AGO1: variants seen among roughly 807,000 people sequenced by gnomAD.
The protein encoded by AGO1 is protein argonaute-1.
A neutral mutation model predicts 109.2 loss-of-function variants in AGO1; 11 were observed. The observed-to-expected ratio is 0.10, with a 90% CI of 0.06 to 0.17. AGO1 has a LOEUF of 0.17. Among genes scored for constraint, AGO1 ranks in the 10% least tolerant of loss-of-function variants. The pLI, the probability that AGO1 is intolerant of heterozygous loss-of-function variation, is 1.00. For synonymous variants in AGO1, 422 were observed against 418.6 expected, an observed-to-expected ratio of 1.01 and a Z score of -0.10; for missense variants, 574 against 1,140.3, an observed-to-expected ratio of 0.50 and a Z score of 7.15.
intron 17 of AGO1, 68 bp from the exon 18 acceptor site, chr1:35,918,987 T>A: frequency 7.2e-7 from 1 of 1,384,612 alleles, no homozygotes; most frequent in Non-Finnish European, 1.0e-6. Flanking sequence ...TTAACAGTGA[T>A]CCTGTTCCCC....
upstream of AGO1, among the ~76,000 whole-genome samples, chr1:35,879,007 G>A (rs1309183152): frequency 6.6e-6 from 1 of 151,920 alleles, no homozygotes; most frequent in Non-Finnish European, 1.5e-5. Flanking sequence ...AGATATCTAA[G>A]TAGAAGACTC....
chr1:35,922,174 G>C lies in AGO1; in HGVS notation c.*2567G>C, dbSNP rs528802065. The C allele has an allele frequency of 2.6e-5, 4 of 152,762 alleles. No individual in the cohort carries two copies. The highest frequency in any genetic ancestry group is 7.2e-5 in the African/African-American group (3 of 41,546). 9.5% of individuals were successfully genotyped at this position (152,762 alleles called of 1,614,324 possible). On this transcript the variant is annotated 3_prime_UTR_variant, in exon 19 of 19. Coordinates refer to ENST00000373204, the MANE Select transcript of AGO1 (RefSeq NM_012199.5). ...TCTCTTTGCCTCACTCTCTCCAGTTGGTTTTCAGCTGGGGCTTGAAATGCA... is the reference window on the plus strand; with the variant it reads ...TCTCTTTGCCTCACTCTCTCCAGTTCGTTTTCAGCTGGGGCTTGAAATGCA...
chr1:35,902,647 G>A (rs971916693), intron 11 of AGO1, among the ~76,000 whole-genome samples: 6 of 152,090 alleles, frequency 3.9e-5, no homozygotes, highest in African/African-American at 9.7e-5. Flanking sequence ...TAATGTTTAC[G>A]CCAAAATTAT....
At chr1:35,918,463 T>C (rs1645773945) in intron 17 of AGO1, 40 bp downstream of exon 17, 2 of 1,478,222 alleles carry the variant, frequency 1.4e-6, no homozygotes, top group African/African-American at 2.8e-5. Flanking sequence ...GGGTCAAAGA[T>C]GAGTTGTTCA....
intron 1 of AGO1, among the ~76,000 whole-genome samples, chr1:35,873,928 G>A (rs1644973278): frequency 6.6e-6 from 1 of 152,076 alleles, no homozygotes; most frequent in Non-Finnish European, 1.5e-5. Context: ...ACAAATTGAA[G>A]GTTTTTACCA....
At chr1:35,877,329 T>G (rs898061642) in intron 1 of AGO1, among the ~76,000 whole-genome samples, 6 of 152,248 alleles carry the variant, frequency 3.9e-5, no homozygotes, top group Non-Finnish European at 8.8e-5. Context: ...TGATAGTTCC[T>G]GGTGTAATGT....
At chr1:35,892,736 G>GTAA in intron 3 of AGO1, 59 bp downstream of exon 3, 1 of 1,607,572 alleles carries the variant, frequency 6.2e-7, no homozygotes, top group Non-Finnish European at 8.5e-7. Flanking sequence ...CCAAGCTCAT[G>GTAA]TAAGCCTCTT....
chr1:35,915,909 G>A (rs1044847174), intron 15 of AGO1, among the ~76,000 whole-genome samples: 1 of 152,208 alleles, frequency 6.6e-6, no homozygotes, highest in Non-Finnish European at 1.5e-5. Context: ...TGAGGGCCAA[G>A]AATTTACAAT....
upstream of AGO1, chr1:35,882,762 G>A (rs1645050299): frequency 1.0e-6 from 1 of 977,338 alleles, no homozygotes; most frequent in African/African-American, 1.8e-5. The surrounding 1 kb of genome is among the most constrained non-coding windows in gnomAD (Gnocchi z 5.1). Flanking sequence ...TAGGGACGGA[G>A]AAAGACTTCG....
chr1:35,913,946 C>T lies in AGO1; in HGVS notation c.1687C>T (p.Leu563Phe). ...ACCTCAGACTCTGTCCAACCTCTGC[C>T]TCAAGATCAATGTCAAACTTGGTGG... ...TSPQTLSNLC[L>F]KINVKLGGIN... Residue 563 changes from leucine to phenylalanine, a missense_variant, in exon 13 of 19, where the codon CTC (leucine) becomes TTC (phenylalanine). Coordinates refer to ENST00000373204, the MANE Select transcript of AGO1 (RefSeq NM_012199.5). 6.2e-7 allele frequency: 1 copy of T among 1,614,140 alleles called. No individual in the cohort carries two copies.
At position 35,927,993 on chromosome 1, in the gene AGO1, C is replaced by CA. The variant is rs1645962253; in HGVS notation, c.*8387dup. The stretch of plus-strand genomic sequence containing the variant: ...TTGGCCCATGTGAGAGGATTGTACT[C>CA]AGTTGCTCTCCTCATCCAGTGATGT... On this transcript the variant is annotated 3_prime_UTR_variant, in exon 19 of 19. Transcript: ENST00000373204. 1 of 152,210 alleles carries CA rather than the reference C, an allele frequency of 6.6e-6. No individual in the cohort carries two copies. The highest frequency in any genetic ancestry group is 2.1e-4 in the South Asian group (1 of 4,832). 9.4% of individuals were successfully genotyped at this position (152,210 alleles called of 1,614,324 possible).
rs372821782 is a variant in AGO1, at chr1:35,922,597, G to GGCCT, written c.*3020_*3023dup. ...TATTCACTCTGCTTGCTTGCTGGCC[G>GGCCT]GCCTGCCTGCCTGCCTGCCTGCCTG... On this transcript the variant is annotated 3_prime_UTR_variant, in exon 19 of 19. Coordinates refer to ENST00000373204, the MANE Select transcript of AGO1 (RefSeq NM_012199.5). 0.017 allele frequency: 2,611 copies of GGCCT among 153,074 alleles called. 29 individuals carry two copies. The highest frequency in any genetic ancestry group is 0.033 in the Middle Eastern group (10 of 300). The allele number at this position is 153,074 out of a possible 1,614,324, so 9.5% of individuals were successfully genotyped here.
In AGO1 at chr1:35,893,728, G is replaced by A. The variant is rs754921891; in HGVS notation, c.567G>A (p.Pro189=). 6.2e-6 allele frequency: 10 copies of A among 1,613,792 alleles called. No individual in the cohort carries two copies. The highest frequency in any genetic ancestry group is 2.2e-5 in the South Asian group (2 of 91,072). ...CACCGCCTGAGGGCTACTACCACCC[G>A]CTGGGGGGTGGGCGCGAGGTCTGGT... ...FFSPPEGYYH[P]LGGGREVWFG... The change falls in exon 5 of 19, where the codon CCG becomes CCA. Residue 189 remains proline (P), a synonymous_variant. Transcript: ENST00000373204. The surrounding 1 kb of genome is among the most constrained non-coding windows in gnomAD (Gnocchi z 5.6).
At chr1:35,900,188 T>C (rs1645389325) in intron 8 of AGO1, among the ~76,000 whole-genome samples, 1 of 152,222 alleles carries the variant, frequency 6.6e-6, no homozygotes, top group African/African-American at 2.4e-5. Context: ...CTCAGGAGTT[T>C]AGAACCAACC....
chr1:35,895,305 T>C (rs1235388630), intron 8 of AGO1, 36 bp downstream of exon 8: 6 of 1,579,524 alleles, frequency 3.8e-6, no homozygotes, highest in South Asian at 3.5e-5. Flanking sequence ...GAATAGGCAT[T>C]GTATATACCT....
chr1:35,877,828 A>G (rs553298530), intron 1 of AGO1, among the ~76,000 whole-genome samples: 2 of 150,910 alleles, frequency 1.3e-5, no homozygotes, highest in South Asian at 4.2e-4. Flanking sequence ...CCAGTAGCTG[A>G]GTAGCAGGCG....
chr1:35,917,827 C>T, intron 16 of AGO1, 100 bp downstream of exon 16: 1 of 1,499,122 alleles, frequency 6.7e-7, no homozygotes, highest in Non-Finnish European at 9.0e-7. Flanking sequence ...AGTCCTTGTC[C>T]TATCTATCCT....
intron 11 of AGO1, among the ~76,000 whole-genome samples, chr1:35,902,971 A>C (rs1026116256): frequency 6.6e-6 from 1 of 151,652 alleles, no homozygotes; most frequent in African/African-American, 2.4e-5. Flanking sequence ...GTAATGGCTT[A>C]AGAAGTCAAC....
chr1:35,899,125 A>G (rs1239207604), intron 8 of AGO1, among the ~76,000 whole-genome samples: 3 of 152,218 alleles, frequency 2.0e-5, no homozygotes, highest in Non-Finnish European at 2.9e-5. Flanking sequence ...AGTACCTCAA[A>G]TAAGTGGAAT....
Sources: gnomAD v4.1 joint callset for allele counts (sites outside exome capture counted in the v4.1 genomes callset) on GRCh38, gnomAD v4.1.1 for gene constraint, Gnocchi (gnomAD v3.1) non-coding constraint, MANE v1.5 for transcripts, NCBI Gene and HGNC (gene_info 2026-07-23, HGNC 2026-07-21) for gene names.